LDLRAD3: variants seen among roughly 807,000 people sequenced by gnomAD.
LDLRAD3 encodes low-density lipoprotein receptor class A domain-containing protein 3.
Under a neutral mutation model 29.4 loss-of-function variants are expected in LDLRAD3, and 20 were observed. The observed-to-expected ratio is 0.68, with a 90% confidence interval of 0.48 to 0.99. The LOEUF (loss-of-function observed/expected upper bound fraction) is 0.99, where lower values mean the gene tolerates loss of function less well. LDLRAD3 is among the 50% of genes least tolerant of loss of function. LDLRAD3 has a pLI of 0.00. For missense variants in LDLRAD3, 420 were observed against 454.3 expected (o/e 0.92, Z 0.69); for synonymous variants, 157 against 192.7 (o/e 0.81, Z 1.53).
chr11:36,187,584 C>A (rs1324286680), intron 4 of LDLRAD3, among the ~76,000 whole-genome samples: 1 of 152,128 alleles, frequency 6.6e-6, no homozygotes, highest in South Asian at 2.1e-4. Context: ...ACATACAGCT[C>A]AGCTGAGAAG....
At chr11:35,991,433 A>G (rs1851687681) in intron 1 of LDLRAD3, among the ~76,000 whole-genome samples, 2 of 152,202 alleles carry the variant, frequency 1.3e-5, no homozygotes, top group Admixed American at 1.3e-4. Context: ...ATGCCGGAAC[A>G]TGGTGAAATT....
intron 2 of LDLRAD3, among the ~76,000 whole-genome samples, chr11:36,060,125 C>T (rs1424009033): frequency 6.6e-5 from 10 of 152,098 alleles, no homozygotes; most frequent in Non-Finnish European, 1.3e-4. Flanking sequence ...GAGGCCAAGG[C>T]AGGTGGATCA....
At chr11:36,063,833 A>C (rs1193281153) in intron 2 of LDLRAD3, among the ~76,000 whole-genome samples, 1 of 152,192 alleles carries the variant, frequency 6.6e-6, no homozygotes, top group Non-Finnish European at 1.5e-5. Flanking sequence ...TACATTTTTA[A>C]ATTGAGAACT....
At chr11:36,079,595 G>C (rs1853078906) in intron 2 of LDLRAD3, among the ~76,000 whole-genome samples, 1 of 152,176 alleles carries the variant, frequency 6.6e-6, no homozygotes, top group African/African-American at 2.4e-5. Context: ...ACAGTCATAG[G>C]TAAAGAAAGG....
At chr11:36,198,425 G>A (rs752874993) in intron 4 of LDLRAD3, among the ~76,000 whole-genome samples, 22 of 152,016 alleles carry the variant, frequency 1.4e-4, no homozygotes, top group Non-Finnish European at 2.4e-4. Context: ...TCCTGCTCTC[G>A]TAAAAGATAT....
At position 35,948,629 on chromosome 11, in the gene LDLRAD3, G is replaced by A. The variant is rs115451579; in HGVS notation, c.46+4485G>A. ...TTGCTCGTCACATCATTGGCTTGAT[G>A]TTTAATACATCTTAATATAGTACGT... is the stretch of plus-strand genomic sequence containing the variant. On this transcript the variant is annotated intron_variant, in intron 1 of 5. Transcript: ENST00000315571. Among the ~76,000 whole-genome samples the A allele has an allele frequency of 5.4e-3, 817 of 152,342 alleles. 5 individuals are homozygous for A. Among genetic ancestry groups the A allele is most frequent in the African/African-American group, 0.019 (785 of 41,564 alleles).
intron 4 of LDLRAD3, among the ~76,000 whole-genome samples, chr11:36,179,325 T>C (rs1854722650): frequency 6.6e-6 from 1 of 151,936 alleles, no homozygotes; most frequent in Admixed American, 6.6e-5. Flanking sequence ...AATACAAAAA[T>C]TAGCTGGGAG....
rs373622027 is a variant in LDLRAD3 at position 36,021,855 on chromosome 11, A to G, written c.47-14248A>G. On this transcript the variant is annotated intron_variant, in intron 1 of 5. Transcript: ENST00000315571. ...TGGTAGAAATGACGTCTCACTATAT[A>G]CCCCAGGCTGATCTTGAACTTCTAG... is the stretch of plus-strand genomic sequence containing the variant. Among the ~76,000 whole-genome samples the G allele has an allele frequency of 2.3e-4, 35 of 151,874 alleles. 3 individuals carry two copies. In the South Asian group the frequency reaches 6.9e-3, roughly 30 times the overall value.
rs184647233 is a variant in LDLRAD3 at position 36,099,478 on chromosome 11, T to A, written c.454+1017T>A. On this transcript the variant is annotated intron_variant, in intron 4 of 5. Transcript: ENST00000315571. ...TGCTGTGATTCACCTGTATTGTTTGTTGTTGGAGATTGTTTGTCTTGACTT... is the reference window on the plus strand; with the variant it reads ...TGCTGTGATTCACCTGTATTGTTTGATGTTGGAGATTGTTTGTCTTGACTT... Among the ~76,000 whole-genome samples, 617 of 152,306 alleles carry A rather than the reference T, an allele frequency of 4.1e-3. 2 individuals are homozygous for A. Among genetic ancestry groups the A allele is most frequent in the Middle Eastern group, 0.014 (4 of 294 alleles).
chr11:36,000,471 C>T (rs1851809694), intron 1 of LDLRAD3, among the ~76,000 whole-genome samples: 1 of 151,772 alleles, frequency 6.6e-6, no homozygotes. Context: ...TTTCAACCAT[C>T]CATCTCAGTA....
At chr11:35,949,203 CGCTTTCCTCTT>C (rs1565117556) in intron 1 of LDLRAD3, among the ~76,000 whole-genome samples, 2 of 152,150 alleles carry the variant, frequency 1.3e-5, no homozygotes. Flanking sequence ...CTTTCCCTCT[CGCTTTCCTCTT>C]GTGTCAGAGT....
chr11:36,223,662 G>C (rs1336915139), intron 4 of LDLRAD3, among the ~76,000 whole-genome samples: 1 of 152,024 alleles, frequency 6.6e-6, no homozygotes, highest in Non-Finnish European at 1.5e-5. Flanking sequence ...TGAAGCTGTT[G>C]AACCAAGATC....
At chr11:35,956,829 G>A (rs1259795633) in intron 1 of LDLRAD3, among the ~76,000 whole-genome samples, 2 of 152,006 alleles carry the variant, frequency 1.3e-5, no homozygotes, top group Non-Finnish European at 2.9e-5. Flanking sequence ...TCTGCCTCCC[G>A]GGTTCACACC....
At chr11:35,986,872 A>C (rs138000247) in intron 1 of LDLRAD3, among the ~76,000 whole-genome samples, 8 of 152,294 alleles carry the variant, frequency 5.3e-5, no homozygotes, top group African/African-American at 1.7e-4. Flanking sequence ...TCTGAGTAAA[A>C]GCTCAGGCAT....
chr11:36,040,561 A>G (rs957696588), intron 2 of LDLRAD3, among the ~76,000 whole-genome samples: 1 of 152,124 alleles, frequency 6.6e-6, no homozygotes, highest in East Asian at 1.9e-4. Flanking sequence ...TTGCTATAAT[A>G]TGGTTTATTT....
At chr11:36,139,326 C>T (rs577187185) in intron 4 of LDLRAD3, among the ~76,000 whole-genome samples, 10 of 152,290 alleles carry the variant, frequency 6.6e-5, no homozygotes, top group African/African-American at 2.2e-4. Context: ...AGTTCCAGTC[C>T]GCATAATTCA....
At chr11:36,148,309 C>G (rs1854227458) in intron 4 of LDLRAD3, among the ~76,000 whole-genome samples, 1 of 152,110 alleles carries the variant, frequency 6.6e-6, no homozygotes, top group Non-Finnish European at 1.5e-5. Flanking sequence ...CCTGCCCTGT[C>G]ACTTTAGGGA....
chr11:36,217,176 T>G (rs935853535), intron 4 of LDLRAD3, among the ~76,000 whole-genome samples: 10 of 152,224 alleles, frequency 6.6e-5, no homozygotes, highest in African/African-American at 2.4e-4. Flanking sequence ...CTTGAAATGT[T>G]TGCTTTCCTG....
chr11:36,124,987 G>A (rs1853815147), intron 4 of LDLRAD3, among the ~76,000 whole-genome samples: 1 of 152,114 alleles, frequency 6.6e-6, no homozygotes, highest in African/African-American at 2.4e-5. Flanking sequence ...GCTCTTTCCT[G>A]TTTAAGGGTC....
Sources: gnomAD v4.1 joint callset for allele counts (sites outside exome capture counted in the v4.1 genomes callset) on GRCh38, gnomAD v4.1.1 for gene constraint, MANE v1.5 for transcripts, NCBI Gene and HGNC (gene_info 2026-07-23, HGNC 2026-07-21) for gene names.